Variants in LRRC43 observed in about 807,000 individuals in gnomAD.
LRRC43 encodes the protein leucine rich repeat containing 43, also known as leucine-rich repeat-containing protein 43.
LRRC43 carries 62 observed loss-of-function variants against 64.3 expected under a neutral mutation model. That is an observed-to-expected ratio of 0.96 (90% CI 0.79 to 1.19). The LOEUF is 1.19. Ranked by LOEUF, LRRC43 falls within the 50% of genes most tolerant of loss-of-function variation. LRRC43 has a pLI of 0.00. For synonymous variants in LRRC43, 422 were observed against 382.3 expected (o/e 1.10, Z -1.21); for missense variants, 868 against 845.0 (o/e 1.03, Z -0.34).
upstream of LRRC43, among the ~76,000 whole-genome samples, chr12:122,178,582 C>CTTTTTT (rs57204293): frequency 1.6e-5 from 1 of 60,732 alleles, no homozygotes; most frequent in Non-Finnish European, 2.8e-5. Context: ...AGGTGGCTTT[C>CTTTTTT]TTTTTTTTTT....
At position 122,191,555 on chromosome 12, in the gene LRRC43, C is replaced by A. The variant is rs1369337890; in HGVS notation, c.1077C>A (p.Gly359=). ...DEEGEMNESA[G]VLAEIVKPSP... ...AAGGCGAAATGAATGAGTCCGCGGG[C>A]GTCCTGGCCGAGGTGTGCCCTGGTC... The change falls in exon 6 of 12, where the codon GGC becomes GGA. Residue 359 remains glycine, a synonymous_variant. Coordinates refer to ENST00000339777, the MANE Select transcript of LRRC43 (RefSeq NM_001098519.2). 6 of 1,613,534 alleles carry A rather than the reference C, an allele frequency of 3.7e-6. No individual in the cohort carries two copies. The highest frequency in any genetic ancestry group is 2.2e-5 in the East Asian group (1 of 44,900).
upstream of LRRC43, among the ~76,000 whole-genome samples, chr12:122,178,946 A>G (rs1407303044): frequency 6.6e-6 from 1 of 151,960 alleles, no homozygotes; most frequent in African/African-American, 2.4e-5. Context: ...GTGGAGAGGG[A>G]AGAGTTGAGG....
rs748214798 is a variant in LRRC43, at chr12:122,183,158, A to ACGAGTC, written c.33_38dup (p.Ser13_Glu14dup). ...GCGGCCCGGGCCATGGAGGCGTCGTACGAGTCCGAGTCCGAGTCCGAGTCT... is the reference window on the plus strand; with the variant it reads ...GCGGCCCGGGCCATGGAGGCGTCGTACGAGTCCGAGTCCGAGTCCGAGTCCGAGTCT... On this transcript the variant is annotated inframe_insertion, in exon 1 of 12. Transcript: ENST00000339777. 4.5e-5 allele frequency: 69 copies of ACGAGTC among 1,548,658 alleles called. No homozygotes were observed. Among genetic ancestry groups the ACGAGTC allele is most frequent in the East Asian group, 1.5e-4 (6 of 40,682 alleles).
upstream of LRRC43, among the ~76,000 whole-genome samples, chr12:122,179,403 C>G (rs922144616): frequency 5.9e-5 from 9 of 152,180 alleles, no homozygotes; most frequent in African/African-American, 2.2e-4. Context: ...ACGTGCCCGG[C>G]CTGATTCAGC....
chr12:122,176,087 T>C (rs571081654), intron 1 of LRRC43, among the ~76,000 whole-genome samples: 2 of 152,280 alleles, frequency 1.3e-5, no homozygotes, highest in African/African-American at 2.4e-5. Flanking sequence ...CTGCGGACAA[T>C]AGCAACAACA....
At chr12:122,201,459 C>T in intron 11 of LRRC43, 130 bp downstream of exon 11, 2 of 771,240 alleles carry the variant, frequency 2.6e-6, no homozygotes, top group Non-Finnish European at 2.3e-6. Flanking sequence ...GGCCACATCC[C>T]CCCTTAGATC....
At chr12:122,177,474 AAAGT>A (rs1953545931) in intron 1 of LRRC43, among the ~76,000 whole-genome samples, 1 of 108,386 alleles carries the variant, frequency 9.2e-6, no homozygotes, top group South Asian at 3.1e-4. Context: ...TATGAGAGAG[AAAGT>A]GTGTGTGTGT....
upstream of LRRC43, among the ~76,000 whole-genome samples, chr12:122,182,758 G>T (rs1953593677): frequency 6.6e-6 from 1 of 152,024 alleles, no homozygotes; most frequent in South Asian, 2.1e-4. Context: ...TATACAGGTG[G>T]ACAGTGATAA....
At position 122,190,310 on chromosome 12, in the gene LRRC43, C is replaced by T. The variant is rs751841325; in HGVS notation, c.843C>T (p.Asp281=). ...GCCTGGCCCAGCTCTGCGTGCTGGA[C>T]GACATCACCGTGTCTCCCAATGAGA... ...IDSLAQLCVL[D]DITVSPNEKH... Residue 281 remains aspartate (D), a synonymous_variant, in exon 5 of 12, where the codon GAC becomes GAT. Coordinates refer to ENST00000339777, the MANE Select transcript of LRRC43 (RefSeq NM_001098519.2). The T allele has an allele frequency of 1.5e-5, 25 of 1,614,012 alleles. No homozygotes were observed. Among genetic ancestry groups the T allele is most frequent in the South Asian group, 2.2e-5 (2 of 91,082 alleles).
Position 122,201,254 on chromosome 12 carries a change from C to T in LRRC43, c.1810-42C>T, listed in dbSNP as rs558372149. ...AGAGACACCCCTTCTCTAGTACCTCCCCTCTCCAGTAAGCATCTCGTTTTG... is the reference window on the plus strand; with the variant it reads ...AGAGACACCCCTTCTCTAGTACCTCTCCTCTCCAGTAAGCATCTCGTTTTG... On this transcript the variant is annotated intron_variant, in intron 10 of 11. Transcript: ENST00000339777. The T allele has an allele frequency of 2.9e-5, 47 of 1,607,742 alleles. No homozygotes were observed. In the South Asian group the frequency reaches 4.4e-4, roughly 15 times the overall value.
At chr12:122,201,084 G>A in intron 10 of LRRC43, 150 bp downstream of exon 10, 1 of 1,128,688 alleles carries the variant, frequency 8.9e-7, no homozygotes, top group African/African-American at 1.6e-5. Context: ...CTGGGCTGCT[G>A]GTGCTGCCGC....
chr12:122,191,351 C>A, intron 5 of LRRC43, 29 bp from the exon 6 acceptor site: 3 of 1,568,864 alleles, frequency 1.9e-6, no homozygotes, highest in Non-Finnish European at 1.7e-6. Context: ...TTCCATGGGC[C>A]CCCCTGTCCT....
intron 7 of LRRC43, among the ~76,000 whole-genome samples, chr12:122,198,555 T>G (rs1442319107): frequency 1.3e-5 from 2 of 152,126 alleles, no homozygotes; most frequent in Non-Finnish European, 2.9e-5. Flanking sequence ...GTGTCTGGCT[T>G]CTTTCACTGA....
At chr12:122,169,410 T>C (rs1333907486) in intron 1 of LRRC43, among the ~76,000 whole-genome samples, 2 of 152,136 alleles carry the variant, frequency 1.3e-5, no homozygotes, top group Non-Finnish European at 2.9e-5. Flanking sequence ...CCTTCTATAT[T>C]TATGATTTAT....
upstream of LRRC43, among the ~76,000 whole-genome samples, chr12:122,180,813 T>A (rs1286059713): frequency 6.6e-6 from 1 of 152,220 alleles, no homozygotes; most frequent in African/African-American, 2.4e-5. Context: ...AGTCTTCTCT[T>A]CCTTCACTGC....
In LRRC43 at chr12:122,190,300, G is replaced by A. The variant is rs1247443826; in HGVS notation, c.833G>A (p.Cys278Tyr). 6.2e-7 allele frequency: 1 copy of A among 1,614,148 alleles called. No individual in the cohort carries two copies. Among genetic ancestry groups the A allele is most frequent in the East Asian group, 2.2e-5 (1 of 44,872 alleles). The change falls in exon 5 of 12, where the codon TGC (cysteine) becomes TAC (tyrosine). Residue 278 changes from cysteine to tyrosine, a missense_variant. Coordinates refer to ENST00000339777, the MANE Select transcript of LRRC43 (RefSeq NM_001098519.2). ...ACCATCGACAGCCTGGCCCAGCTCTGCGTGCTGGACGACATCACCGTGTCT... is the reference window on the plus strand; with the variant it reads ...ACCATCGACAGCCTGGCCCAGCTCTACGTGCTGGACGACATCACCGTGTCT... Reference protein sequence around the residue: ...GLTIDSLAQLCVLDDITVSPN... With the variant: ...GLTIDSLAQLYVLDDITVSPN...
chr12:122,178,124 C>T (rs1055527720), upstream of LRRC43, among the ~76,000 whole-genome samples: 1 of 152,086 alleles, frequency 6.6e-6, no homozygotes, highest in Non-Finnish European at 1.5e-5. Context: ...AAGTGGGAGC[C>T]ACCACGCCTG....
At chr12:122,190,885 C>T (rs1316391852) in intron 5 of LRRC43, among the ~76,000 whole-genome samples, 1 of 150,502 alleles carries the variant, frequency 6.6e-6, no homozygotes, top group Non-Finnish European at 1.5e-5. Flanking sequence ...GGGAGGATCA[C>T]TTGAGCCCAG....
chr12:122,199,458 A>T (rs1323848803), intron 7 of LRRC43, among the ~76,000 whole-genome samples: 1 of 148,694 alleles, frequency 6.7e-6, no homozygotes, highest in Non-Finnish European at 1.5e-5. Context: ...AATTTTTTGT[A>T]TTTTTAGTAG....
Sources: gnomAD v4.1 joint callset for allele counts (sites outside exome capture counted in the v4.1 genomes callset) on GRCh38, gnomAD v4.1.1 for gene constraint, MANE v1.5 for transcripts, NCBI Gene and HGNC (gene_info 2026-07-23, HGNC 2026-07-21) for gene names.